UBE2D2: variants seen among roughly 807,000 people sequenced by gnomAD.
The protein encoded by UBE2D2 is ubiquitin conjugating enzyme E2 D2.
In UBE2D2, 2 loss-of-function variants were observed where a neutral mutation model predicts 24.2. The observed-to-expected ratio is 0.08, with a 90% CI of 0.03 to 0.26. The LOEUF is 0.26. UBE2D2 is among the 10% of genes least tolerant of loss of function. The probability of loss-of-function intolerance (pLI) is 1.00; values close to 1 mark genes in which losing one functional copy is unlikely to be tolerated. For missense variants in UBE2D2, 44 were observed against 177.6 expected (o/e 0.25, Z 4.28); for synonymous variants, 58 against 56.5 (o/e 1.03, Z -0.12).
intron 1 of UBE2D2, among the ~76,000 whole-genome samples, chr5:139,548,620 CATT>C (rs1752868191): frequency 6.6e-6 from 1 of 152,144 alleles, no homozygotes; most frequent in African/African-American, 2.4e-5. Context: ...TCATCATCAT[CATT>C]ATCGTCATTA....
At chr5:139,548,213 T>C (rs1365737445) in intron 1 of UBE2D2, among the ~76,000 whole-genome samples, 2 of 94,406 alleles carry the variant, frequency 2.1e-5, no homozygotes, top group Admixed American at 2.4e-4. Context: ...AATAAATAAA[T>C]AAACGTTCCC....
chr5:139,537,023 C>CA (rs1399207226), intron 1 of UBE2D2, among the ~76,000 whole-genome samples: 8 of 151,758 alleles, frequency 5.3e-5, no homozygotes, highest in Non-Finnish European at 1.0e-4. Context: ...ACTAAAAATA[C>CA]AAAAAGAAAA....
At chr5:139,587,500 G>A (rs1440291839) in intron 1 of UBE2D2, among the ~76,000 whole-genome samples, 1 of 151,920 alleles carries the variant, frequency 6.6e-6, no homozygotes, top group African/African-American at 2.4e-5. Flanking sequence ...CTAAGATGGC[G>A]AAACCCCGTC....
At chr5:139,571,406 C>CAA (rs549829203) in intron 1 of UBE2D2, among the ~76,000 whole-genome samples, 20 of 88,162 alleles carry the variant, frequency 2.3e-4, no homozygotes, top group Admixed American at 4.8e-4. Context: ...GACTCCCTCT[C>CAA]AAAAAAAAAA....
At chr5:139,621,891 G>C (rs1754519787) in intron 5 of UBE2D2, among the ~76,000 whole-genome samples, 1 of 152,210 alleles carries the variant, frequency 6.6e-6, no homozygotes, top group Non-Finnish European at 1.5e-5. Context: ...CCAAAGTGCT[G>C]TGATTACAGG....
chr5:139,581,978 T>G lies in UBE2D2; in HGVS notation c.25-18394T>G, dbSNP rs549460545. Among the ~76,000 whole-genome samples, 21 of 149,976 alleles carry G rather than the reference T, an allele frequency of 1.4e-4. No homozygotes were observed. In the East Asian group the frequency reaches 2.4e-3, roughly 17 times the overall value. ...TACTGTGCCAGCTGTTTTTTTGGGG[T>G]TTTTTTTTGTTTTTGTTTTTTTTTG... On this transcript the variant is annotated intron_variant, in intron 1 of 6. Transcript: ENST00000398733.
Position 139,587,547 on chromosome 5 carries a change from C to T in UBE2D2, c.25-12825C>T, listed in dbSNP as rs190713075. ...TAAAAAAAATAGCCGGGCGTGGTGGCGGGCACCACCAGCAACTTGGGAGGC... is the reference window on the plus strand; with the variant it reads ...TAAAAAAAATAGCCGGGCGTGGTGGTGGGCACCACCAGCAACTTGGGAGGC... On this transcript the variant is annotated intron_variant, in intron 1 of 6. Transcript: ENST00000398733. Among the ~76,000 whole-genome samples the T allele has an allele frequency of 3.7e-4, 56 of 151,834 alleles. No individual in the cohort carries two copies. The East Asian group carries it at 3.9e-3, about 11-fold the overall frequency.
At chr5:139,585,475 G>A (rs1421074655) in intron 1 of UBE2D2, among the ~76,000 whole-genome samples, 1 of 151,846 alleles carries the variant, frequency 6.6e-6, no homozygotes, top group Non-Finnish European at 1.5e-5. Flanking sequence ...CAGTCCTCCA[G>A]CCTCAGCCTC....
chr5:139,551,079 T>TA (rs1295498055), intron 1 of UBE2D2, among the ~76,000 whole-genome samples: 1 of 151,660 alleles, frequency 6.6e-6, no homozygotes, highest in Non-Finnish European at 1.5e-5. Flanking sequence ...AGGGGGGAGG[T>TA]CACACCTGTA....
intron 1 of UBE2D2, among the ~76,000 whole-genome samples, chr5:139,552,971 C>T (rs1271874574): frequency 6.6e-6 from 1 of 152,002 alleles, no homozygotes; most frequent in Non-Finnish European, 1.5e-5. Context: ...CATGAGCCAC[C>T]GCACCCGGCC....
intron 2 of UBE2D2, among the ~76,000 whole-genome samples, chr5:139,605,910 T>A (rs534922505): frequency 8.1e-5 from 12 of 148,404 alleles, no homozygotes; most frequent in South Asian, 2.1e-4. Flanking sequence ...CTGGCTAATT[T>A]AAAAAAAAAA....
chr5:139,598,713 A>T (rs1466475459), intron 1 of UBE2D2, among the ~76,000 whole-genome samples: 1 of 149,682 alleles, frequency 6.7e-6, no homozygotes, highest in Non-Finnish European at 1.5e-5. Context: ...GGCGTGTGCC[A>T]CCACTCCCAG....
chr5:139,587,947 C>G (rs1357432044), intron 1 of UBE2D2, among the ~76,000 whole-genome samples: 1 of 152,046 alleles, frequency 6.6e-6, no homozygotes, highest in Non-Finnish European at 1.5e-5. Flanking sequence ...GTTGCGAGCC[C>G]CGTATTTAAA....
chr5:139,558,303 T>G (rs1753007310), upstream of UBE2D2, among the ~76,000 whole-genome samples: 1 of 152,176 alleles, frequency 6.6e-6, no homozygotes, highest in African/African-American at 2.4e-5. Flanking sequence ...TTATTTGTTT[T>G]TTGAGACAGA....
At chr5:139,533,582 G>A (rs1752625506) in intron 1 of UBE2D2, among the ~76,000 whole-genome samples, 1 of 151,580 alleles carries the variant, frequency 6.6e-6, no homozygotes, top group Non-Finnish European at 1.5e-5. Context: ...CCAGGGAGGA[G>A]GAGGTTGCGG....
chr5:139,615,574 C>T (rs755028724), intron 5 of UBE2D2, among the ~76,000 whole-genome samples: 11 of 152,120 alleles, frequency 7.2e-5, no homozygotes, highest in African/African-American at 1.9e-4. Context: ...CCTTGAGATT[C>T]ATGAATGGAA....
At chr5:139,533,967 G>A (rs1158325198) in intron 1 of UBE2D2, among the ~76,000 whole-genome samples, 2 of 151,540 alleles carry the variant, frequency 1.3e-5, no homozygotes, top group African/African-American at 2.4e-5. Flanking sequence ...ATATTTAGTA[G>A]AGACACGGTT....
chr5:139,626,938 C>A lies in UBE2D2; in HGVS notation c.*137C>A. 3.0e-6 allele frequency: 2 copies of A among 672,362 alleles called. No homozygotes were observed. The highest frequency in any genetic ancestry group is 2.7e-5 in the Admixed American group (1 of 37,020). The allele number at this position is 672,362 out of a possible 1,614,324, so 41.6% of individuals were successfully genotyped here. ...CTGTGCACATGTTTACCTGATACAG[C>A]AGTGCTGCGTGTTGTACATACTTGG... On this transcript the variant is annotated 3_prime_UTR_variant, in exon 7 of 7. Coordinates refer to ENST00000398733, the MANE Select transcript of UBE2D2 (RefSeq NM_003339.3).
intron 1 of UBE2D2, among the ~76,000 whole-genome samples, chr5:139,578,192 T>C (rs530741596): frequency 2.6e-5 from 4 of 152,334 alleles, no homozygotes; most frequent in African/African-American, 9.6e-5. Flanking sequence ...CTGACAGAGA[T>C]TCTCTGTGGA....
Sources: gnomAD v4.1 joint callset for allele counts (sites outside exome capture counted in the v4.1 genomes callset) on GRCh38, gnomAD v4.1.1 for gene constraint, MANE v1.5 for transcripts, NCBI Gene and HGNC (gene_info 2026-07-23, HGNC 2026-07-21) for gene names.